DCDC2: variants seen among roughly 807,000 people sequenced by gnomAD.
DCDC2 encodes the protein doublecortin domain-containing protein 2.
A neutral mutation model predicts 50.2 loss-of-function variants in DCDC2; 40 were observed. That is an observed-to-expected ratio of 0.80 (90% CI 0.62 to 1.04). The LOEUF (loss-of-function observed/expected upper bound fraction) is 1.04, where lower values mean the gene tolerates loss of function less well. Ranked by LOEUF, DCDC2 falls within the 50% of genes least tolerant of loss-of-function variation. The pLI, the probability that DCDC2 is intolerant of heterozygous loss-of-function variation, is 0.00. For synonymous variants in DCDC2, 234 were observed against 210.6 expected, an observed-to-expected ratio of 1.11 and a Z score of -0.96; for missense variants, 570 against 581.9, an observed-to-expected ratio of 0.98 and a Z score of 0.21.
chr6:24,247,603 G>A (rs1027940684), intron 7 of DCDC2, among the ~76,000 whole-genome samples: 2 of 152,136 alleles, frequency 1.3e-5, no homozygotes, highest in African/African-American at 4.8e-5. Context: ...ACACCATTCA[G>A]TCACTCACAG....
chr6:24,375,335 T>C, the DCDC2 span, among the ~76,000 whole-genome samples: 1 of 152,100 alleles, frequency 6.6e-6, no homozygotes, highest in South Asian at 2.1e-4. Context: ...GCCGGGTCAC[T>C]CATATGGGGT....
intron 5 of DCDC2, 111 bp downstream of exon 5, chr6:24,290,821 A>G: frequency 1.1e-6 from 1 of 942,066 alleles, no homozygotes; most frequent in East Asian, 2.7e-5. Context: ...TTCCATTCTA[A>G]GTAATAAATA....
intron 8 of DCDC2, among the ~76,000 whole-genome samples, chr6:24,186,410 G>A (rs557673125): frequency 3.9e-5 from 6 of 152,304 alleles, no homozygotes; most frequent in African/African-American, 1.4e-4. Context: ...AAAGCAAGTT[G>A]CCAAAGGTTA....
chr6:24,353,864 T>A (rs1013357547), intron 1 of DCDC2, among the ~76,000 whole-genome samples: 4 of 152,188 alleles, frequency 2.6e-5, no homozygotes, highest in African/African-American at 9.7e-5. Context: ...AATACATACA[T>A]CTATTAGAGA....
chr6:24,222,818 A>G (rs1245105181), intron 7 of DCDC2, among the ~76,000 whole-genome samples: 1 of 152,242 alleles, frequency 6.6e-6, no homozygotes, highest in African/African-American at 2.4e-5. Context: ...CAAGAATTGA[A>G]TAACTGTTTA....
chr6:24,249,629 T>A (rs1023186096), intron 7 of DCDC2, among the ~76,000 whole-genome samples: 2 of 152,208 alleles, frequency 1.3e-5, no homozygotes, highest in Non-Finnish European at 2.9e-5. Flanking sequence ...CAGTGTTAAA[T>A]TAAAAAATAA....
chr6:24,357,786 G>A lies in DCDC2; in HGVS notation c.-36C>T, dbSNP rs370706869. ...GGCCGCCGCCTCAGCTCGCTGCTTCGCGTCGGGAGGCACCTCCGCTGTCCC... is the reference window on the plus strand; with the variant it reads ...GGCCGCCGCCTCAGCTCGCTGCTTCACGTCGGGAGGCACCTCCGCTGTCCC... On this transcript the variant is annotated 5_prime_UTR_variant, in exon 1 of 10. Transcript: ENST00000378454. 18 of 1,611,868 alleles carry A rather than the reference G, an allele frequency of 1.1e-5. No individual in the cohort carries two copies. The highest frequency in any genetic ancestry group is 3.3e-4 in the Middle Eastern group (2 of 6,052).
intron 7 of DCDC2, chr6:24,205,390 C>T (rs1225405051): frequency 7.1e-7 from 1 of 1,406,542 alleles, no homozygotes; most frequent in Non-Finnish European, 9.4e-7. Flanking sequence ...GCCCTTTGTA[C>T]AGGCATTGAG....
At chr6:24,339,702 T>C (rs1164228512) in intron 2 of DCDC2, among the ~76,000 whole-genome samples, 1 of 152,240 alleles carries the variant, frequency 6.6e-6, no homozygotes, top group Non-Finnish European at 1.5e-5. Context: ...TATGATTTTA[T>C]AATTCTGTCT....
rs200619993 is a variant in DCDC2, at chr6:24,254,033, A to G, written c.922+24016T>C. On this transcript the variant is annotated intron_variant, in intron 7 of 9. Transcript: ENST00000378454. ...TATTCCTATTCTATAAGCTTTTTCT[A>G]TTTAAGTTTTGTTTAATTTTTAAAC... Among the ~76,000 whole-genome samples, 9 of 152,200 alleles carry G rather than the reference A, an allele frequency of 5.9e-5. 1 individual carries two copies. The South Asian group carries it at 1.2e-3, about 21-fold the overall frequency.
At chr6:24,263,682 G>A (rs1253379142) in intron 7 of DCDC2, among the ~76,000 whole-genome samples, 2 of 152,070 alleles carry the variant, frequency 1.3e-5, no homozygotes, top group East Asian at 3.8e-4. Context: ...TACACCCTCA[G>A]AGGAGACAAA....
chr6:24,376,371 T>C, the DCDC2 span, among the ~76,000 whole-genome samples: 5 of 152,150 alleles, frequency 3.3e-5, no homozygotes, highest in African/African-American at 1.2e-4. Flanking sequence ...CCTGGGCCCC[T>C]GAGGACTCTA....
chr6:24,294,097 C>T lies in DCDC2; in HGVS notation c.558-3019G>A, dbSNP rs180685381. 2.5e-4 allele frequency among the ~76,000 whole-genome samples: 38 copies of T among 152,314 alleles called. No homozygotes were observed. The East Asian group carries it at 5.8e-3, about 23-fold the overall frequency. ...AGTTGCCTGGGCATGGTGTCTTATG[C>T]CTATAATCCCAGCACTTGGGAGGCT... is the stretch of plus-strand genomic sequence containing the variant. On this transcript the variant is annotated intron_variant, in intron 4 of 9. Transcript: ENST00000378454.
intron 2 of DCDC2, among the ~76,000 whole-genome samples, chr6:24,339,110 C>T (rs1315087838): frequency 6.6e-6 from 1 of 152,108 alleles, no homozygotes; most frequent in Non-Finnish European, 1.5e-5. Flanking sequence ...CTCAAATGTA[C>T]CCTGTGCTCT....
chr6:24,298,664 A>G (rs1472446829), intron 4 of DCDC2, among the ~76,000 whole-genome samples: 1 of 152,242 alleles, frequency 6.6e-6, no homozygotes, highest in African/African-American at 2.4e-5. Flanking sequence ...CATAAGAAAT[A>G]GTCAATAGAT....
At chr6:24,284,109 T>C (rs2113824436) in intron 6 of DCDC2, among the ~76,000 whole-genome samples, 1 of 152,344 alleles carries the variant, frequency 6.6e-6, no homozygotes, top group Non-Finnish European at 1.5e-5. Flanking sequence ...CAGGACATCA[T>C]ATGAACTCAA....
chr6:24,320,072 T>A (rs1230308739), intron 2 of DCDC2, among the ~76,000 whole-genome samples: 1 of 152,208 alleles, frequency 6.6e-6, no homozygotes, highest in Non-Finnish European at 1.5e-5. Flanking sequence ...GACAAAAAGC[T>A]GTACACAAAT....
chr6:24,246,198 TGA>T (rs1346508903), intron 7 of DCDC2, among the ~76,000 whole-genome samples: 10 of 152,200 alleles, frequency 6.6e-5, no homozygotes, highest in African/African-American at 1.9e-4. Context: ...CAAATAAACA[TGA>T]GAGATCAAAT....
chr6:24,357,728 G>T lies in DCDC2; in HGVS notation c.23C>A (p.Ser8Tyr), dbSNP rs1561787463. 1.2e-6 allele frequency: 2 copies of T among 1,612,572 alleles called. No individual in the cohort carries two copies. The highest frequency in any genetic ancestry group is 1.7e-6 in the Non-Finnish European group (2 of 1,179,470). The change falls in exon 1 of 10, where the codon TCC (serine) becomes TAC (tyrosine). Residue 8 changes from serine (S) to tyrosine (Y), a missense_variant. Ser to Tyr is a moderately radical substitution (Grantham distance 144). Transcript: ENST00000378454. ...CACGACGGGCTGAGACAGGTGGCTG[G>T]ACCTGGCGCTGCTGCCGCTCATCTT... Reference protein sequence around the residue: MSGSSARSSHLSQPVVKS... With the variant: MSGSSARYSHLSQPVVKS...
Sources: gnomAD v4.1 joint callset for allele counts (sites outside exome capture counted in the v4.1 genomes callset) on GRCh38, gnomAD v4.1.1 for gene constraint, MANE v1.5 for transcripts, NCBI Gene and HGNC (gene_info 2026-07-23, HGNC 2026-07-21) for gene names.